Variants in SLC2A13 observed in about 807,000 individuals in gnomAD.
The protein encoded by SLC2A13 is solute carrier family 2 member 13, also known as proton myo-inositol cotransporter.
Under a neutral mutation model 64.4 loss-of-function variants are expected in SLC2A13, and 32 were observed. The observed-to-expected ratio is 0.50, with a 90% confidence interval of 0.37 to 0.67. The LOEUF is 0.67. Among genes scored for constraint, SLC2A13 ranks in the 30% least tolerant of loss-of-function variants. The probability of loss-of-function intolerance (pLI) is 0.00; values close to 1 mark genes in which losing one functional copy is unlikely to be tolerated. For missense variants in SLC2A13, 743 were observed against 829.2 expected (o/e 0.90, Z 1.28); for synonymous variants, 338 against 327.1 (o/e 1.03, Z -0.36).
intron 4 of SLC2A13, among the ~76,000 whole-genome samples, chr12:39,938,137 G>A (rs1945948230): frequency 6.6e-6 from 1 of 152,028 alleles, no homozygotes; most frequent in Admixed American, 6.6e-5. Flanking sequence ...CAGTACACAG[G>A]GAGCAGAAGG....
At chr12:40,065,546 C>G (rs561712614) in intron 1 of SLC2A13, among the ~76,000 whole-genome samples, 22 of 152,166 alleles carry the variant, frequency 1.4e-4, no homozygotes, top group African/African-American at 5.3e-4. Context: ...GATCATATCA[C>G]TGCACTCCAG....
intron 3 of SLC2A13, among the ~76,000 whole-genome samples, chr12:39,956,518 G>T (rs1946316307): frequency 6.6e-6 from 1 of 152,106 alleles, no homozygotes; most frequent in Non-Finnish European, 1.5e-5. Context: ...ATAATCTAGA[G>T]ACTTTAGATG....
chr12:40,087,764 A>G lies in SLC2A13; in HGVS notation c.556+17489T>C, dbSNP rs1463256982. ...TGTACTACTACTTAATACTCATTAAACCACCATGAAGTGGATAAAGCTGAG... is the reference window on the plus strand; with the variant it reads ...TGTACTACTACTTAATACTCATTAAGCCACCATGAAGTGGATAAAGCTGAG... On this transcript the variant is annotated intron_variant, in intron 1 of 9. Coordinates refer to ENST00000280871, the MANE Select transcript of SLC2A13 (RefSeq NM_052885.4). 2.0e-5 allele frequency among the ~76,000 whole-genome samples: 3 copies of G among 152,194 alleles called. No homozygotes were observed. The East Asian group carries it at 5.8e-4, about 29-fold the overall frequency.
chr12:39,908,133 G>A (rs1336625800), intron 4 of SLC2A13: 1 of 151,964 alleles, frequency 6.6e-6, no homozygotes, highest in Non-Finnish European at 1.5e-5. Flanking sequence ...TGACAATGAG[G>A]AGACAGAAAA....
intron 4 of SLC2A13, among the ~76,000 whole-genome samples, chr12:39,945,456 G>A (rs1014233212): frequency 6.6e-6 from 1 of 151,952 alleles, no homozygotes; most frequent in Non-Finnish European, 1.5e-5. Context: ...TGTTTTCCAG[G>A]CTTTTAGAAT....
intron 1 of SLC2A13, chr12:40,068,368 T>A: frequency 2.9e-6 from 1 of 345,730 alleles, no homozygotes; most frequent in East Asian, 1.1e-4. Context: ...TTATTACCAC[T>A]GTAGTGATGA....
At chr12:40,026,302 T>C (rs1463738348) in intron 3 of SLC2A13, among the ~76,000 whole-genome samples, 1 of 152,232 alleles carries the variant, frequency 6.6e-6, no homozygotes, top group Non-Finnish European at 1.5e-5. Context: ...AACATTATAG[T>C]ATTTTTAAAA....
At chr12:39,982,578 C>G (rs373835844) in intron 3 of SLC2A13, among the ~76,000 whole-genome samples, 1 of 149,982 alleles carries the variant, frequency 6.7e-6, no homozygotes, top group Non-Finnish European at 1.5e-5. Flanking sequence ...CCATTCACAA[C>G]TGCTTCAAAG....
chr12:40,020,664 T>C (rs1405626052), intron 3 of SLC2A13, among the ~76,000 whole-genome samples: 1 of 152,116 alleles, frequency 6.6e-6, no homozygotes, highest in Admixed American at 6.5e-5. Flanking sequence ...ATGGCTCCTG[T>C]GCCTTCCCCT....
At chr12:39,947,870 C>T (rs984344763) in intron 4 of SLC2A13, among the ~76,000 whole-genome samples, 4 of 151,992 alleles carry the variant, frequency 2.6e-5, no homozygotes, top group African/African-American at 9.7e-5. Context: ...CTGTGTTAGC[C>T]AGGATGGTCT....
At chr12:39,764,708 T>G in intron 8 of SLC2A13, 29 bp downstream of exon 8, 1 of 1,604,804 alleles carries the variant, frequency 6.2e-7, no homozygotes, top group Non-Finnish European at 8.5e-7. Context: ...ATTCAATTAA[T>G]GCAACAGTAT....
chr12:40,021,060 A>G (rs1419423870), intron 3 of SLC2A13, among the ~76,000 whole-genome samples: 13 of 152,194 alleles, frequency 8.5e-5, no homozygotes, highest in Non-Finnish European at 1.3e-4. Context: ...TGAGATATGG[A>G]TTTAAGTACA....
intron 3 of SLC2A13, among the ~76,000 whole-genome samples, chr12:40,000,749 C>T (rs759970814): frequency 6.6e-5 from 10 of 152,288 alleles, no homozygotes; most frequent in African/African-American, 1.4e-4. Flanking sequence ...TAGTGATTAG[C>T]GTTTACTCAT....
intron 6 of SLC2A13, among the ~76,000 whole-genome samples, chr12:39,834,443 C>T (rs1170485450): frequency 1.3e-5 from 2 of 152,068 alleles, no homozygotes; most frequent in Non-Finnish European, 2.9e-5. Flanking sequence ...CCAGGACCAA[C>T]ACCAAGTCTC....
chr12:39,962,486 G>T (rs1172362083), intron 3 of SLC2A13, among the ~76,000 whole-genome samples: 4 of 152,154 alleles, frequency 2.6e-5, no homozygotes, highest in Non-Finnish European at 5.9e-5. Context: ...AGATTTCTTA[G>T]AATACTCACA....
chr12:39,774,643 G>T (rs987995486), intron 7 of SLC2A13, among the ~76,000 whole-genome samples: 1 of 147,234 alleles, frequency 6.8e-6, no homozygotes, highest in South Asian at 2.2e-4. Flanking sequence ...TTACAGACAA[G>T]ATGAAAAACC....
chr12:39,761,850 T>A (rs1259562806), intron 9 of SLC2A13, among the ~76,000 whole-genome samples: 3 of 152,094 alleles, frequency 2.0e-5, no homozygotes, highest in African/African-American at 7.2e-5. Flanking sequence ...GTTTGACTTT[T>A]AAATATAATA....
intron 6 of SLC2A13, among the ~76,000 whole-genome samples, chr12:39,848,409 G>A (rs1943377613): frequency 6.6e-6 from 1 of 151,938 alleles, no homozygotes; most frequent in Non-Finnish European, 1.5e-5. Flanking sequence ...TGCAGCCAAG[G>A]AGCATATGAA....
At chr12:40,034,593 T>G (rs1324580612) in intron 2 of SLC2A13, among the ~76,000 whole-genome samples, 2 of 152,234 alleles carry the variant, frequency 1.3e-5, no homozygotes, top group Non-Finnish European at 2.9e-5. Context: ...GCACTTTTGC[T>G]ATTGATTAAC....
Sources: gnomAD v4.1 joint callset for allele counts (sites outside exome capture counted in the v4.1 genomes callset) on GRCh38, gnomAD v4.1.1 for gene constraint, MANE v1.5 for transcripts, NCBI Gene and HGNC (gene_info 2026-07-23, HGNC 2026-07-21) for gene names.